ZZZ3: variants seen among roughly 807,000 people sequenced by gnomAD.
ZZZ3 encodes zinc finger ZZ-type containing 3, also known as ZZ-type zinc finger-containing protein 3.
Under a neutral mutation model 95.2 loss-of-function variants are expected in ZZZ3, and 22 were observed. That is an observed-to-expected ratio of 0.23 (90% confidence interval 0.17 to 0.33). ZZZ3 has a LOEUF of 0.33. ZZZ3 is among the 10% of genes least tolerant of loss of function. The pLI, the probability that ZZZ3 is intolerant of heterozygous loss-of-function variation, is 1.00. For synonymous variants in ZZZ3, 335 were observed against 358.9 expected, an observed-to-expected ratio of 0.93 and a Z score of 0.75; for missense variants, 885 against 1,066.5, an observed-to-expected ratio of 0.83 and a Z score of 2.37.
intron 5 of ZZZ3, among the ~76,000 whole-genome samples, chr1:77,622,376 A>T (rs1407899642): frequency 6.6e-6 from 1 of 151,546 alleles, no homozygotes; most frequent in African/African-American, 2.4e-5. Context: ...ATAGCAAAAA[A>T]AAAAAAAAAA....
upstream of ZZZ3, among the ~76,000 whole-genome samples, chr1:77,682,914 C>T (rs956527411): frequency 6.6e-6 from 1 of 152,202 alleles, no homozygotes; most frequent in African/African-American, 2.4e-5. Context: ...ACTACATAAA[C>T]AGAGCGCAGT....
intron 5 of ZZZ3, among the ~76,000 whole-genome samples, chr1:77,598,469 T>G (rs1219348341): frequency 6.6e-6 from 1 of 152,138 alleles, no homozygotes. Flanking sequence ...TTTGAACCCA[T>G]GTACTGTAAA....
intron 5 of ZZZ3, among the ~76,000 whole-genome samples, chr1:77,630,123 A>C (rs2100835493): frequency 6.6e-6 from 1 of 152,300 alleles, no homozygotes; most frequent in Non-Finnish European, 1.5e-5. Flanking sequence ...AGTTTTTGGT[A>C]TTTTCCTAAG....
chr1:77,622,014 C>G (rs150117485), intron 5 of ZZZ3, among the ~76,000 whole-genome samples: 1 of 151,040 alleles, frequency 6.6e-6, no homozygotes, highest in African/African-American at 2.4e-5. Flanking sequence ...TATATGAATG[C>G]GTTAATAACT....
Position 77,578,774 on chromosome 1 carries a change from C to T in ZZZ3, c.2178G>A (p.Lys726=). 1.3e-6 allele frequency: 2 copies of T among 1,502,180 alleles called. No homozygotes were observed. Among genetic ancestry groups the T allele is most frequent in the South Asian group, 1.4e-5 (1 of 73,846 alleles). 93.1% of individuals were successfully genotyped at this position (1,502,180 alleles called of 1,614,324 possible). The change falls in exon 11 of 15, where the codon AAG becomes AAA. Residue 726 remains lysine, a splice_region_variant and synonymous_variant. Transcript: ENST00000370801. ...RTPNLYIYSK[K]SSTSRRQHPL... ...TTTACTTTCATGTATTTTCTTTTAC[C>T]TTTTTGGAGTATATATATAAGTTTG...
At chr1:77,571,791 G>A (rs1234037999) in intron 12 of ZZZ3, among the ~76,000 whole-genome samples, 1 of 152,124 alleles carries the variant, frequency 6.6e-6, no homozygotes, top group Non-Finnish European at 1.5e-5. Context: ...GGGGTGCTGG[G>A]GAGATGTTTA....
chr1:77,565,795 A>G lies in ZZZ3; in HGVS notation c.2568-11T>C. The G allele has an allele frequency of 6.2e-7, 1 of 1,607,518 alleles. No homozygotes were observed. The highest frequency in any genetic ancestry group is 1.1e-5 in the South Asian group (1 of 89,886). On this transcript the variant is annotated splice_polypyrimidine_tract_variant and intron_variant, in intron 14 of 14. Transcript: ENST00000370801. ...TCTGTTTCATGTAGACTGTAAAGAA[A>G]AAAAGACACACATCATTACATGGTA...
chr1:77,650,942 A>G (rs1305648533), intron 1 of ZZZ3, among the ~76,000 whole-genome samples: 1 of 152,198 alleles, frequency 6.6e-6, no homozygotes, highest in Non-Finnish European at 1.5e-5. Context: ...TACCAAAACA[A>G]TTCATTGAGG....
At chr1:77,576,761 A>C (rs1661992439) in intron 11 of ZZZ3, among the ~76,000 whole-genome samples, 1 of 88,510 alleles carries the variant, frequency 1.1e-5, no homozygotes, top group Non-Finnish European at 3.2e-5. Context: ...TCACACTAAA[A>C]AAAAAAACAA....
Position 77,632,293 on chromosome 1 carries a change from T to C in ZZZ3, c.1062A>G (p.Pro354=), listed in dbSNP as rs138513982. The C allele has an allele frequency of 3.1e-6, 5 of 1,613,968 alleles. No homozygotes were observed. In the African/African-American group the frequency reaches 6.7e-5, roughly 22 times the overall value. Residue 354 remains proline (P), a synonymous_variant, in exon 5 of 15, where the codon CCA becomes CCG. Transcript: ENST00000370801. ...ESMPASGEPE[P]SPVLDCVSAQ... Reference sequence around the variant, plus strand: ...CTGAAACACAGTCTAGAACAGGAGATGGTTCAGGTTCTCCGGAGGCTGGCA... The same window carrying C: ...CTGAAACACAGTCTAGAACAGGAGACGGTTCAGGTTCTCCGGAGGCTGGCA...
At chr1:77,676,806 A>G (rs1287312742) in intron 1 of ZZZ3, among the ~76,000 whole-genome samples, 1 of 152,184 alleles carries the variant, frequency 6.6e-6, no homozygotes, top group African/African-American at 2.4e-5. Flanking sequence ...AAAATGAAGC[A>G]TAACAAAAAA....
intron 1 of ZZZ3, among the ~76,000 whole-genome samples, chr1:77,665,111 G>T (rs542083398): frequency 6.6e-6 from 1 of 152,310 alleles, no homozygotes; most frequent in South Asian, 2.1e-4. Flanking sequence ...GAAATAATCT[G>T]GGTGAGGTTT....
chr1:77,612,027 A>G (rs1665863236), intron 5 of ZZZ3, among the ~76,000 whole-genome samples: 1 of 152,096 alleles, frequency 6.6e-6, no homozygotes, highest in Admixed American at 6.6e-5. Context: ...CAACAAAATA[A>G]AAAGGCAACC....
intron 5 of ZZZ3, among the ~76,000 whole-genome samples, chr1:77,600,733 G>C (rs979765439): frequency 1.3e-5 from 2 of 152,156 alleles, no homozygotes; most frequent in African/African-American, 4.8e-5. Flanking sequence ...ACCACAAACA[G>C]CTTTGGCGTG....
chr1:77,652,952 C>T (rs1184301969), intron 1 of ZZZ3, among the ~76,000 whole-genome samples: 1 of 152,156 alleles, frequency 6.6e-6, no homozygotes, highest in African/African-American at 2.4e-5. Context: ...GGGGCCTAGA[C>T]AGACAGGAGG....
chr1:77,604,271 T>C (rs1026322461), intron 5 of ZZZ3, among the ~76,000 whole-genome samples: 5 of 152,230 alleles, frequency 3.3e-5, no homozygotes, highest in African/African-American at 1.2e-4. Context: ...TCATATATTT[T>C]TATAACATCC....
At chr1:77,635,350 G>T (rs771147907) in intron 4 of ZZZ3, among the ~76,000 whole-genome samples, 10 of 152,136 alleles carry the variant, frequency 6.6e-5, no homozygotes, top group Non-Finnish European at 1.2e-4. Context: ...ATGGTTATAT[G>T]TTCTACAGAA....
intron 5 of ZZZ3, among the ~76,000 whole-genome samples, chr1:77,592,582 G>A (rs944775718): frequency 1.3e-5 from 2 of 152,060 alleles, no homozygotes; most frequent in South Asian, 2.1e-4. Flanking sequence ...GATTACAGGC[G>A]TGAACAACCG....
chr1:77,563,342 C>T lies in ZZZ3; in HGVS notation c.*2298G>A, dbSNP rs1241655190. On this transcript the variant is annotated 3_prime_UTR_variant, in exon 15 of 15. Coordinates refer to ENST00000370801, the MANE Select transcript of ZZZ3 (RefSeq NM_015534.6). Reference sequence around the variant, plus strand: ...ACAGCTCTGCCCATTATTCCTGCAACTCTCAAATTAAAACAATAACAAAAC... The same window carrying T: ...ACAGCTCTGCCCATTATTCCTGCAATTCTCAAATTAAAACAATAACAAAAC... 1 of 152,168 alleles carries T rather than the reference C, an allele frequency of 6.6e-6. No homozygotes were observed. The highest frequency in any genetic ancestry group is 1.9e-4 in the East Asian group (1 of 5,190). The allele number at this position is 152,168 out of a possible 1,614,324, so 9.4% of individuals were successfully genotyped here.
Sources: allele counts gnomAD v4.1 joint callset (sites outside exome capture counted in the v4.1 genomes callset), GRCh38; gene constraint gnomAD v4.1.1; transcripts MANE v1.5; gene names NCBI Gene and HGNC (gene_info 2026-07-23, HGNC 2026-07-21).